LAMTOR3: variants seen among roughly 807,000 people sequenced by gnomAD.
LAMTOR3 encodes the protein late endosomal/lysosomal adaptor, MAPK and MTOR activator 3.
In LAMTOR3, 14 loss-of-function variants were observed where a neutral mutation model predicts 20.3. The observed-to-expected ratio is 0.69, with a 90% CI of 0.46 to 1.08. The LOEUF is 1.08. Among genes scored for constraint, LAMTOR3 ranks in the 50% least tolerant of loss-of-function variants. The probability of loss-of-function intolerance (pLI) is 0.00; values close to 1 mark genes in which losing one functional copy is unlikely to be tolerated. For missense variants in LAMTOR3, 125 were observed against 143.7 expected (o/e 0.87, Z 0.67); for synonymous variants, 40 against 49.4 (o/e 0.81, Z 0.80).
intron 4 of LAMTOR3, among the ~76,000 whole-genome samples, chr4:99,886,963 G>A (rs902208324): frequency 1.4e-5 from 2 of 146,020 alleles, no homozygotes; most frequent in African/African-American, 2.5e-5. Context: ...AGGGGTGTCT[G>A]TGTGTATATC....
At chr4:99,893,096 C>T (rs1048800518) in intron 2 of LAMTOR3, among the ~76,000 whole-genome samples, 1 of 152,246 alleles carries the variant, frequency 6.6e-6, no homozygotes, top group Non-Finnish European at 1.5e-5. Flanking sequence ...CTCACTGCAA[C>T]TTCCAACTTC....
intron 3 of LAMTOR3, among the ~76,000 whole-genome samples, chr4:99,890,477 C>G (rs1264339573): frequency 1.3e-5 from 2 of 152,178 alleles, no homozygotes; most frequent in Non-Finnish European, 2.9e-5. Context: ...GCATCCAAAC[C>G]CATACATCTA....
In LAMTOR3 at chr4:99,878,821, G is replaced by A. The variant is rs915982328; in HGVS notation, c.*3173C>T. The A allele has an allele frequency of 2.0e-5, 3 of 152,124 alleles. No individual in the cohort carries two copies. The highest frequency in any genetic ancestry group is 4.4e-5 in the Non-Finnish European group (3 of 68,020). The allele number at this position is 152,124 out of a possible 1,614,324, so 9.4% of individuals were successfully genotyped here. On this transcript the variant is annotated 3_prime_UTR_variant, in exon 7 of 7. Coordinates refer to ENST00000499666, the MANE Select transcript of LAMTOR3 (RefSeq NM_021970.4). ...GAAAGCACTATTAATAATTATCCAA[G>A]AACAGCAGGTATAAACTGGTAGTGT...
At chr4:99,887,143 A>G (rs1185071014) in intron 4 of LAMTOR3, among the ~76,000 whole-genome samples, 153 bp downstream of exon 4, 1 of 152,198 alleles carries the variant, frequency 6.6e-6, no homozygotes, top group Non-Finnish European at 1.5e-5. Flanking sequence ...AACCTTCAAC[A>G]TACAAAAGCA....
intron 5 of LAMTOR3, among the ~76,000 whole-genome samples, chr4:99,884,368 A>C (rs901081434): frequency 6.6e-6 from 1 of 152,198 alleles, no homozygotes; most frequent in Admixed American, 6.5e-5. Flanking sequence ...AGGTGAAACC[A>C]TATCTTCATC....
chr4:99,882,673 C>G (rs1724849124), intron 6 of LAMTOR3, among the ~76,000 whole-genome samples: 1 of 151,910 alleles, frequency 6.6e-6, no homozygotes. Context: ...ACTTTTGTCT[C>G]TAAGCAAATT....
intron 2 of LAMTOR3, among the ~76,000 whole-genome samples, chr4:99,893,251 T>G (rs1030892430): frequency 3.3e-5 from 5 of 152,084 alleles, no homozygotes; most frequent in African/African-American, 1.2e-4. Flanking sequence ...CGGCCTCAAG[T>G]GATCCTTCCA....
At position 99,881,120 on chromosome 4, in the gene LAMTOR3, T is replaced by C. The variant is rs1300270995; in HGVS notation, c.*874A>G. ...ACCTACAAGAAACACTCATTATTTA[T>C]TCATGTGGCTGAAAGAGTATATTAA... On this transcript the variant is annotated 3_prime_UTR_variant, in exon 7 of 7. Transcript: ENST00000499666. 1.3e-5 allele frequency: 2 copies of C among 152,240 alleles called. No individual in the cohort carries two copies. Among genetic ancestry groups the C allele is most frequent in the Admixed American group, 6.5e-5 (1 of 15,288 alleles). 9.4% of individuals were successfully genotyped at this position (152,240 alleles called of 1,614,324 possible). A position where few individuals can be genotyped will look rare whatever the true frequency, so the allele number is the denominator to read the frequency against.
upstream of LAMTOR3, chr4:99,894,522 T>A (rs1258968425): frequency 6.6e-6 from 1 of 150,900 alleles, no homozygotes; most frequent in Admixed American, 6.6e-5. Flanking sequence ...CGAGGGCGCG[T>A]CCGGCGGCCG....
At chr4:99,884,970 GAA>G (rs941123142) in intron 5 of LAMTOR3, among the ~76,000 whole-genome samples, 1 of 123,574 alleles carries the variant, frequency 8.1e-6, no homozygotes. Context: ...TGTCTTGGAA[GAA>G]AAAAAAAAAA....
chr4:99,884,987 T>G (rs905029108), intron 5 of LAMTOR3, among the ~76,000 whole-genome samples: 7 of 148,250 alleles, frequency 4.7e-5, no homozygotes, highest in African/African-American at 1.7e-4. Context: ...AAAAAAAGAG[T>G]AACTTACATC....
intron 3 of LAMTOR3, among the ~76,000 whole-genome samples, chr4:99,889,620 A>G (rs900006223): frequency 1.3e-5 from 2 of 152,340 alleles, no homozygotes; most frequent in Admixed American, 6.5e-5. Context: ...GGTACATAAA[A>G]TATCTCTGTA....
At chr4:99,886,471 G>A (rs1301835091) in intron 4 of LAMTOR3, among the ~76,000 whole-genome samples, 1 of 152,186 alleles carries the variant, frequency 6.6e-6, no homozygotes, top group Non-Finnish European at 1.5e-5. Context: ...GAATCAATGT[G>A]TATTACAGAA....
intron 2 of LAMTOR3, among the ~76,000 whole-genome samples, chr4:99,892,327 G>C (rs1388320185): frequency 6.6e-6 from 1 of 152,196 alleles, no homozygotes; most frequent in Non-Finnish European, 1.5e-5. Flanking sequence ...AGCATACCTA[G>C]AAATGGGAAA....
chr4:99,882,271 G>A (rs915540675), intron 6 of LAMTOR3, among the ~76,000 whole-genome samples: 1 of 152,090 alleles, frequency 6.6e-6, no homozygotes, highest in Admixed American at 6.6e-5. Flanking sequence ...TGGAATATTT[G>A]TACAATACTT....
At position 99,893,943 on chromosome 4, in the gene LAMTOR3, G is replaced by A; in HGVS notation, c.9+12C>T. 1 of 1,533,678 alleles carries A rather than the reference G, an allele frequency of 6.5e-7. No homozygotes were observed. Among genetic ancestry groups the A allele is most frequent in the Non-Finnish European group, 8.8e-7 (1 of 1,134,596 alleles). ...CACTCTCCCCTTCCTCTTATGTAGG[G>A]GTGTCACTCACATCCGCCATGATGA... is the stretch of plus-strand genomic sequence containing the variant. On this transcript the variant is annotated intron_variant, in intron 2 of 6. Transcript: ENST00000499666.
intron 5 of LAMTOR3, 142 bp from the exon 6 acceptor site, chr4:99,884,267 G>C (rs1416542756): frequency 1.6e-6 from 1 of 628,804 alleles, no homozygotes; most frequent in Non-Finnish European, 2.8e-6. Flanking sequence ...GAAACAGAAA[G>C]GAACTTTATA....
At position 99,881,615 on chromosome 4, in the gene LAMTOR3, A is replaced by C. The variant is rs1244263957; in HGVS notation, c.*379T>G. On this transcript the variant is annotated 3_prime_UTR_variant, in exon 7 of 7. Coordinates refer to ENST00000499666, the MANE Select transcript of LAMTOR3 (RefSeq NM_021970.4). ...TTATTCACAATAAAAAGTTGGCTTT[A>C]TTCTGCAAGCCTGGGCATATTGTAC... The C allele has an allele frequency of 1.2e-5, 2 of 168,362 alleles. No homozygotes were observed. Among genetic ancestry groups the C allele is most frequent in the Non-Finnish European group, 2.5e-5 (2 of 79,182 alleles). 10.4% of individuals were successfully genotyped at this position (168,362 alleles called of 1,614,324 possible). A position where few individuals can be genotyped will look rare whatever the true frequency, so the allele number is the denominator to read the frequency against.
chr4:99,889,720 G>A (rs1473307780), intron 3 of LAMTOR3, among the ~76,000 whole-genome samples: 3 of 152,142 alleles, frequency 2.0e-5, no homozygotes, highest in Admixed American at 6.6e-5. Context: ...CTTCAGTTAA[G>A]TCTTGAATCT....
Sources: allele counts gnomAD v4.1 joint callset (sites outside exome capture counted in the v4.1 genomes callset), GRCh38; gene constraint gnomAD v4.1.1; transcripts MANE v1.5; gene names NCBI Gene and HGNC (gene_info 2026-07-23, HGNC 2026-07-21).